TGM3: variants seen among roughly 807,000 people sequenced by gnomAD.
TGM3 encodes the protein transglutaminase 3.
In TGM3, 52 loss-of-function variants were observed where a neutral mutation model predicts 73.8. The ratio of observed to expected loss-of-function variants is 0.70; its 90% CI spans 0.56 to 0.89. The LOEUF (loss-of-function observed/expected upper bound fraction) is 0.89. TGM3 is among the 40% of genes least tolerant of loss of function. The probability of loss-of-function intolerance (pLI) is 0.00; values close to 1 mark genes in which losing one functional copy is unlikely to be tolerated. For missense variants in TGM3, 928 were observed against 909.9 expected, an observed-to-expected ratio of 1.02 and a Z score of -0.26; for synonymous variants, 372 against 354.9, an observed-to-expected ratio of 1.05 and a Z score of -0.54.
chr20:2,335,142 T>C lies in TGM3; in HGVS notation c.1669T>C (p.Tyr557His). Reference protein sequence around the residue: ...EEAEHPIKISYAQYEKYLKSD... With the variant: ...EEAEHPIKISHAQYEKYLKSD... ...GGCAGAACATCCCATAAAGATCTCGTACGCTCAGTATGAGAAGTACCTGAA... is the reference window on the plus strand; with the variant it reads ...GGCAGAACATCCCATAAAGATCTCGCACGCTCAGTATGAGAAGTACCTGAA... Residue 557 changes from tyrosine to histidine, a missense_variant, in exon 11 of 13, where the codon TAC becomes CAC. By Grantham distance (83) the Tyr-to-His change is moderately conservative (BLOSUM62 2). Coordinates refer to ENST00000381458, the MANE Select transcript of TGM3 (RefSeq NM_003245.4). 8.1e-6 allele frequency: 13 copies of C among 1,614,218 alleles called. No homozygotes were observed. The highest frequency in any genetic ancestry group is 1.1e-5 in the Non-Finnish European group (13 of 1,180,036).
At chr20:2,335,776 C>T (rs6106537) in intron 11 of TGM3, among the ~76,000 whole-genome samples, 1 of 152,162 alleles carries the variant, frequency 6.6e-6, no homozygotes, top group Non-Finnish European at 1.5e-5. Context: ...AGAAATAGGC[C>T]TGACCCACAG....
At chr20:2,329,947 A>G (rs955685313) in intron 9 of TGM3, among the ~76,000 whole-genome samples, 4 of 151,738 alleles carry the variant, frequency 2.6e-5, no homozygotes, top group Admixed American at 6.6e-5. Flanking sequence ...TGCTTACATG[A>G]CTGTACGATC....
At chr20:2,316,973 C>T in intron 5 of TGM3, 95 bp from the exon 6 acceptor site, 1 of 1,448,886 alleles carries the variant, frequency 6.9e-7, no homozygotes, top group Non-Finnish European at 9.5e-7. Context: ...GGCTTCCTTC[C>T]TCATCTCCCC....
chr20:2,321,372 A>G (rs1271824396), intron 7 of TGM3, among the ~76,000 whole-genome samples: 1 of 152,246 alleles, frequency 6.6e-6, no homozygotes, highest in African/African-American at 2.4e-5. Flanking sequence ...GAGACAGCAC[A>G]GAGGTATTAT....
At chr20:2,320,386 C>T (rs1208972085) in intron 7 of TGM3, among the ~76,000 whole-genome samples, 1 of 152,094 alleles carries the variant, frequency 6.6e-6, no homozygotes, top group East Asian at 1.9e-4. Flanking sequence ...TATTTTCATC[C>T]CCAATTTATT....
At chr20:2,312,290 C>T (rs1290433246) in intron 4 of TGM3, among the ~76,000 whole-genome samples, 1 of 145,768 alleles carries the variant, frequency 6.9e-6, no homozygotes, top group African/African-American at 2.5e-5. Flanking sequence ...ATCCCAGCTA[C>T]TTGGGAGGCT....
intron 11 of TGM3, among the ~76,000 whole-genome samples, chr20:2,338,892 G>A (rs919740446): frequency 2.0e-5 from 3 of 152,224 alleles, no homozygotes; most frequent in African/African-American, 4.8e-5. Context: ...AAGTTGAGGC[G>A]CAAAGAGATG....
At chr20:2,329,639 A>G (rs1033103290) in intron 9 of TGM3, among the ~76,000 whole-genome samples, 3 of 152,074 alleles carry the variant, frequency 2.0e-5, no homozygotes, top group Admixed American at 1.3e-4. Context: ...AAACAAGCAT[A>G]GGGGGTCAGG....
chr20:2,317,629 A>G, intron 7 of TGM3, 144 bp downstream of exon 7: 2 of 1,161,190 alleles, frequency 1.7e-6, no homozygotes, highest in Non-Finnish European at 2.5e-6. Context: ...AACTGCTGGC[A>G]ATGCTGATTA....
At chr20:2,337,981 G>A (rs1270090336) in intron 11 of TGM3, among the ~76,000 whole-genome samples, 1 of 151,978 alleles carries the variant, frequency 6.6e-6, no homozygotes, top group Admixed American at 6.6e-5. Flanking sequence ...TTCCTTCTTC[G>A]AGGCAAGTTC....
intron 1 of TGM3, among the ~76,000 whole-genome samples, chr20:2,305,896 T>C (rs773033687): frequency 6.6e-6 from 1 of 152,228 alleles, no homozygotes; most frequent in Non-Finnish European, 1.5e-5. Context: ...CTTTGAAAGA[T>C]GGCTGGCACA....
intron 7 of TGM3, among the ~76,000 whole-genome samples, chr20:2,317,940 TATC>T (rs373195091): frequency 0.017 from 2,292 of 131,844 alleles, 64 homozygotes; most frequent in African/African-American, 0.062. Context: ...TATATATATA[TATC>T]ATATATATAT....
In TGM3 at chr20:2,340,242, C is replaced by G. The variant is rs45565932; in HGVS notation, c.1935-192C>G. Among the ~76,000 whole-genome samples, 1,013 of 152,272 alleles carry G rather than the reference C, an allele frequency of 6.7e-3. 14 individuals carry two copies. Among genetic ancestry groups the G allele is most frequent in the African/African-American group, 0.022 (911 of 41,546 alleles). On this transcript the variant is annotated intron_variant, in intron 12 of 12. Coordinates refer to ENST00000381458, the MANE Select transcript of TGM3 (RefSeq NM_003245.4). ...ATATTTGGGAGATCATGGGACCCCCCCCTCCTGCTTCCCCTGCTGAAGAGT... is the reference window on the plus strand; with the variant it reads ...ATATTTGGGAGATCATGGGACCCCCGCCTCCTGCTTCCCCTGCTGAAGAGT...
In TGM3 at chr20:2,312,921, C is replaced by G; in HGVS notation, c.564C>G (p.Ile188Met). Residue 188 changes from isoleucine to methionine, a missense_variant, in exon 5 of 13, where the codon ATC becomes ATG. Ile to Met is a conservative substitution (Grantham distance 10). Transcript: ENST00000381458. The stretch of plus-strand genomic sequence containing the variant: ...AGTTTGAAGAAGACATTCTCAGCAT[C>G]TGCCTCTCAATCTTGGATAGGAGTC... ...FGQFEEDILSICLSILDRSLN... is the reference protein window; with the variant it reads ...FGQFEEDILSMCLSILDRSLN... 6.2e-7 allele frequency: 1 copy of G among 1,614,200 alleles called. No individual in the cohort carries two copies. The highest frequency in any genetic ancestry group is 8.5e-7 in the Non-Finnish European group (1 of 1,180,036).
At position 2,328,012 on chromosome 20, in the gene TGM3, G is replaced by A. The variant is rs1293893968; in HGVS notation, c.1088-108G>A. The A allele has an allele frequency of 6.7e-6, 10 of 1,503,554 alleles. No homozygotes were observed. Among genetic ancestry groups the A allele is most frequent in the Non-Finnish European group, 9.1e-6 (10 of 1,101,984 alleles). 93.1% of individuals were successfully genotyped at this position (1,503,554 alleles called of 1,614,324 possible). A position where few individuals can be genotyped will look rare whatever the true frequency, so the allele number is the denominator to read the frequency against. ...CACAGTCAGGGGTGAAGGAATTTGGGCGGGGCAGAGGCAGGGGGTTGCAGT... is the reference window on the plus strand; with the variant it reads ...CACAGTCAGGGGTGAAGGAATTTGGACGGGGCAGAGGCAGGGGGTTGCAGT... On this transcript the variant is annotated intron_variant, in intron 8 of 12. Coordinates refer to ENST00000381458, the MANE Select transcript of TGM3 (RefSeq NM_003245.4). The surrounding 1 kb of genome is among the most constrained non-coding windows in gnomAD (Gnocchi z 5.2).
chr20:2,326,900 T>A (rs1040931776), intron 8 of TGM3, among the ~76,000 whole-genome samples: 3 of 151,786 alleles, frequency 2.0e-5, no homozygotes, highest in Non-Finnish European at 2.9e-5. Flanking sequence ...TTGAAAAAAA[T>A]TCAAACTATT....
intron 7 of TGM3, among the ~76,000 whole-genome samples, chr20:2,319,712 C>G (rs900539898): frequency 6.6e-6 from 1 of 152,134 alleles, no homozygotes; most frequent in Non-Finnish European, 1.5e-5. Flanking sequence ...TTCCTCTCCC[C>G]TTTTCTGAAC....
At chr20:2,335,826 G>A (rs1438426258) in intron 11 of TGM3, among the ~76,000 whole-genome samples, 1 of 152,160 alleles carries the variant, frequency 6.6e-6, no homozygotes, top group Admixed American at 6.5e-5. Flanking sequence ...ACAGAATTGT[G>A]GACTCTTAGG....
rs1397010612 is a variant in TGM3, at chr20:2,309,767, G to C, written c.118G>C (p.Val40Leu). ...CTTGCGGAGAGGCCAAAACTTCCAG[G>C]TCTTAATGATCATGAACAAAGGCCT... ...LILRRGQNFQ[V>L]LMIMNKGLGS... The change falls in exon 2 of 13, where the codon GTC becomes CTC. Residue 40 changes from valine to leucine, a missense_variant. By Grantham distance (32) the Val-to-Leu change is conservative (BLOSUM62 1). Coordinates refer to ENST00000381458, the MANE Select transcript of TGM3 (RefSeq NM_003245.4). 4 of 1,614,078 alleles carry C rather than the reference G, an allele frequency of 2.5e-6. No individual in the cohort carries two copies. Among genetic ancestry groups the C allele is most frequent in the Non-Finnish European group, 1.7e-6 (2 of 1,180,044 alleles).
Sources: allele counts gnomAD v4.1 joint callset (sites outside exome capture counted in the v4.1 genomes callset), GRCh38; gene constraint gnomAD v4.1.1; non-coding constraint Gnocchi (gnomAD v3.1); transcripts MANE v1.5; gene names NCBI Gene and HGNC (gene_info 2026-07-23, HGNC 2026-07-21).